Variants in TNS3 observed in about 807,000 individuals in gnomAD.
TNS3 encodes the protein tensin 3, also known as tensin-3.
TNS3 carries 45 observed loss-of-function variants against 140.9 expected under a neutral mutation model. The ratio of observed to expected loss-of-function variants is 0.32; its 90% CI spans 0.25 to 0.41. The LOEUF is 0.41. Among genes scored for constraint, TNS3 ranks in the 10% least tolerant of loss-of-function variants. The probability of loss-of-function intolerance (pLI) is 1.00; values close to 1 mark genes in which losing one functional copy is unlikely to be tolerated. For missense variants in TNS3, 1,716 were observed against 1,906.7 expected (o/e 0.90, Z 1.86); for synonymous variants, 815 against 788.4 (o/e 1.03, Z -0.56).
chr7:47,363,802 G>T lies in TNS3; in HGVS notation c.2281+4563C>A, dbSNP rs375546099. Among the ~76,000 whole-genome samples, 5 of 152,336 alleles carry T rather than the reference G, an allele frequency of 3.3e-5. No homozygotes were observed. In the Middle Eastern group the frequency reaches 0.01, roughly 311 times the overall value. On this transcript the variant is annotated intron_variant, in intron 17 of 30. Coordinates refer to ENST00000311160, the MANE Select transcript of TNS3 (RefSeq NM_022748.12). ...GCTGAACCTCATGCACACAGATGTG[G>T]AAATGATGCCCCTTGCAGGGTTAGG...
chr7:47,292,113 G>A (rs1785741553), intron 26 of TNS3, 81 bp from the exon 27 acceptor site: 2 of 1,391,850 alleles, frequency 1.4e-6, no homozygotes, highest in Non-Finnish European at 2.0e-6. Flanking sequence ...ACAATTTGAT[G>A]ACAGAATTCC....
At chr7:47,460,425 G>T (rs781201546) in intron 4 of TNS3, among the ~76,000 whole-genome samples, 1 of 152,162 alleles carries the variant, frequency 6.6e-6, no homozygotes, top group East Asian at 1.9e-4. Flanking sequence ...GCCCCGCACG[G>T]TGGTGCTTTG....
intron 23 of TNS3, among the ~76,000 whole-genome samples, chr7:47,299,868 G>C (rs899130613): frequency 2.0e-5 from 3 of 152,238 alleles, no homozygotes; most frequent in Non-Finnish European, 4.4e-5. Flanking sequence ...CTCACCTGGA[G>C]ACAGGGATGA....
rs759959411 is a variant in TNS3, at chr7:47,368,656, C to T, written c.1990G>A (p.Ala664Thr). 1.2e-6 allele frequency: 2 copies of T among 1,601,504 alleles called. No homozygotes were observed. The highest frequency in any genetic ancestry group is 1.7e-6 in the Non-Finnish European group (2 of 1,174,074). ...TCTCCTGGAAACCTGGGTTTGAACG[C>T]TTTGCTGGGAGAGGGCTGCTGTGTG... ...PDTQQPSPSK[A>T]FKPRFPGDQV... Residue 664 changes from alanine (A) to threonine (T), a missense_variant, in exon 17 of 31, where the codon GCG (alanine) becomes ACG (threonine). By Grantham distance (58) the Ala-to-Thr change is moderately conservative (BLOSUM62 0). This residue lies in a region of TNS3 where 1,163 missense variants were observed against 1,182.1 expected (regional missense o/e 0.98). Coordinates refer to ENST00000311160, the MANE Select transcript of TNS3 (RefSeq NM_022748.12).
At chr7:47,414,915 C>T (rs1006774599) in intron 11 of TNS3, among the ~76,000 whole-genome samples, 179 bp downstream of exon 11, 2 of 152,162 alleles carry the variant, frequency 1.3e-5, no homozygotes, top group African/African-American at 4.8e-5. Flanking sequence ...TTGGCCCAAC[C>T]ACATAAACAT....
intron 17 of TNS3, among the ~76,000 whole-genome samples, chr7:47,358,454 T>A (rs1047259595): frequency 6.6e-6 from 1 of 152,246 alleles, no homozygotes; most frequent in Non-Finnish European, 1.5e-5. Flanking sequence ...CCTCTTTTAA[T>A]CACTGTGGCG....
At chr7:47,535,750 G>A (rs1799575845) in intron 1 of TNS3, among the ~76,000 whole-genome samples, 1 of 152,238 alleles carries the variant, frequency 6.6e-6, no homozygotes, top group African/African-American at 2.4e-5. Flanking sequence ...TGAACAGGGA[G>A]GTGCTCCACA....
In TNS3 at chr7:47,447,720, T is replaced by C. The variant is rs562943369; in HGVS notation, c.-75-5665A>G. ...TGCAGTGCGCTATCCTAGCACACCC[T>C]AGGCTTCACCCTAAAGACCCTACCC... On this transcript the variant is annotated intron_variant, in intron 4 of 30. Coordinates refer to ENST00000311160, the MANE Select transcript of TNS3 (RefSeq NM_022748.12). Among the ~76,000 whole-genome samples the C allele has an allele frequency of 2.0e-5, 3 of 152,278 alleles. No homozygotes were observed. The East Asian group carries it at 5.8e-4, about 29-fold the overall frequency.
At chr7:47,507,793 C>G (rs1798474431) in intron 2 of TNS3, among the ~76,000 whole-genome samples, 1 of 152,318 alleles carries the variant, frequency 6.6e-6, no homozygotes, top group African/African-American at 2.4e-5. Flanking sequence ...CCTGTGCCAG[C>G]TCCAAGGGAA....
chr7:47,366,752 T>C (rs962198433), intron 17 of TNS3, among the ~76,000 whole-genome samples: 5 of 52,958 alleles, frequency 9.4e-5, no homozygotes, highest in Non-Finnish European at 2.9e-4. Context: ...GGCCACATAA[T>C]CTACTGACAC....
chr7:47,423,567 T>C (rs1033336695), intron 10 of TNS3, among the ~76,000 whole-genome samples: 32 of 152,354 alleles, frequency 2.1e-4, no homozygotes, highest in African/African-American at 7.7e-4. Flanking sequence ...AGGGAACTGA[T>C]GAGCTACAAG....
At chr7:47,541,252 T>C (rs2151965451) in intron 1 of TNS3, among the ~76,000 whole-genome samples, 1 of 152,276 alleles carries the variant, frequency 6.6e-6, no homozygotes, top group South Asian at 2.1e-4. Flanking sequence ...AGCCCTGTGT[T>C]GGGAGACAGG....
intron 1 of TNS3, among the ~76,000 whole-genome samples, chr7:47,551,401 G>A (rs1800057927): frequency 6.6e-6 from 1 of 152,222 alleles, no homozygotes; most frequent in Non-Finnish European, 1.5e-5. Context: ...GGAGACCACG[G>A]AGGAGGTGGG....
intron 16 of TNS3, among the ~76,000 whole-genome samples, chr7:47,384,419 A>G (rs910880561): frequency 1.3e-5 from 2 of 152,224 alleles, no homozygotes; most frequent in Non-Finnish European, 2.9e-5. Flanking sequence ...CTCACTTCCC[A>G]GCCCATCCCC....
intron 20 of TNS3, among the ~76,000 whole-genome samples, chr7:47,317,519 A>C (rs1184567150): frequency 2.0e-5 from 3 of 152,240 alleles, no homozygotes; most frequent in African/African-American, 7.2e-5. Context: ...CAGTGAAAAC[A>C]GCGTTTTTCT....
chr7:47,441,864 C>T, intron 5 of TNS3, 139 bp downstream of exon 5: 1 of 613,346 alleles, frequency 1.6e-6, no homozygotes, highest in Non-Finnish European at 2.6e-6. Context: ...GCCTGTATCA[C>T]CTTTGATTGG....
chr7:47,569,222 T>C (rs1218301056), intron 1 of TNS3, among the ~76,000 whole-genome samples: 1 of 152,176 alleles, frequency 6.6e-6, no homozygotes, highest in South Asian at 2.1e-4. Context: ...GCCCAACATC[T>C]TTATAAGAAC....
At chr7:47,510,884 T>G (rs1241119121) in intron 2 of TNS3, among the ~76,000 whole-genome samples, 1 of 139,180 alleles carries the variant, frequency 7.2e-6, no homozygotes, top group Non-Finnish European at 1.6e-5. Flanking sequence ...AAAAAAAGAC[T>G]TGTACCCATC....
At chr7:47,346,725 C>T (rs1281730082) in intron 17 of TNS3, among the ~76,000 whole-genome samples, 1 of 152,196 alleles carries the variant, frequency 6.6e-6, no homozygotes, top group Non-Finnish European at 1.5e-5. Context: ...AGGAGGCCCC[C>T]ACATGCCACC....
Sources: allele counts gnomAD v4.1 joint callset (sites outside exome capture counted in the v4.1 genomes callset), GRCh38; gene constraint gnomAD v4.1.1; regional missense constraint gnomAD v4.1.1; transcripts MANE v1.5; gene names NCBI Gene and HGNC (gene_info 2026-07-23, HGNC 2026-07-21).